The following GALNT13 variants were observed in gnomAD, a reference collection of about 807,000 sequenced individuals.
GALNT13 encodes UDP-GalNAc:polypeptide N-acetylgalactosaminyltransferase 13.
In GALNT13, 28 loss-of-function variants were observed where a neutral mutation model predicts 64.2. The ratio of observed to expected loss-of-function variants is 0.44; its 90% CI spans 0.32 to 0.60. The LOEUF (loss-of-function observed/expected upper bound fraction) is 0.60, where lower values mean the gene tolerates loss of function less well. Among genes scored for constraint, GALNT13 ranks in the 20% least tolerant of loss-of-function variants. GALNT13 has a pLI of 0.05. For synonymous variants in GALNT13, 214 were observed against 224.6 expected (o/e 0.95, Z 0.42); for missense variants, 577 against 669.8 (o/e 0.86, Z 1.53).
chr2:153,665,873 G>A, the GALNT13 span, among the ~76,000 whole-genome samples: 29 of 152,278 alleles, frequency 1.9e-4, no homozygotes, highest in African/African-American at 6.7e-4. Context: ...AGGACTCCAG[G>A]CAGTGTGGAG....
At chr2:154,028,485 A>G (rs1342496398) in intron 3 of GALNT13, among the ~76,000 whole-genome samples, 5 of 152,082 alleles carry the variant, frequency 3.3e-5, no homozygotes. Flanking sequence ...CTACTTAAAG[A>G]TGCACTTTTT....
chr2:153,774,564 T>C, the GALNT13 span, among the ~76,000 whole-genome samples: 10 of 151,980 alleles, frequency 6.6e-5, no homozygotes, highest in South Asian at 8.3e-4. Context: ...ACAAGAAAAC[T>C]TTTTTTTGGT....
intron 7 of GALNT13, among the ~76,000 whole-genome samples, chr2:154,255,149 A>G (rs1690301926): frequency 6.6e-6 from 1 of 152,158 alleles, no homozygotes; most frequent in African/African-American, 2.4e-5. Flanking sequence ...TAGGAGCTAG[A>G]AACAAAAATG....
the GALNT13 span, among the ~76,000 whole-genome samples, chr2:153,328,147 A>G: frequency 1.3e-5 from 2 of 152,144 alleles, no homozygotes; most frequent in Admixed American, 1.3e-4. Context: ...AGAACAGCAA[A>G]GATTGCTGCC....
chr2:154,076,223 G>A (rs1380951957), intron 3 of GALNT13, among the ~76,000 whole-genome samples: 2 of 151,726 alleles, frequency 1.3e-5, no homozygotes, highest in Non-Finnish European at 3.0e-5. Context: ...TAACATTTCT[G>A]TGTGTAAGTG....
At chr2:154,052,418 C>T (rs532492995) in intron 3 of GALNT13, among the ~76,000 whole-genome samples, 2 of 152,308 alleles carry the variant, frequency 1.3e-5, no homozygotes, top group South Asian at 4.1e-4. Context: ...TTCAAGTGTA[C>T]TCTCTTCCTA....
At chr2:153,316,976 C>T in the GALNT13 span, among the ~76,000 whole-genome samples, 1 of 152,094 alleles carries the variant, frequency 6.6e-6, no homozygotes, top group Non-Finnish European at 1.5e-5. Context: ...CTCTACTTAT[C>T]ACTATAAATA....
At chr2:154,029,903 A>T (rs1451159003) in intron 3 of GALNT13, among the ~76,000 whole-genome samples, 1 of 152,186 alleles carries the variant, frequency 6.6e-6, no homozygotes, top group African/African-American at 2.4e-5. Flanking sequence ...AAACATAGCA[A>T]CAAAAGTGAA....
the GALNT13 span, among the ~76,000 whole-genome samples, chr2:153,393,968 ACACACACACACACACACACACACC>A: frequency 1.5e-4 from 18 of 122,888 alleles, no homozygotes; most frequent in African/African-American, 6.6e-5. Context: ...ACACACACAC[ACACACACACACACACACACACACC>A]CCCTATTGGT....
the GALNT13 span, among the ~76,000 whole-genome samples, chr2:153,400,898 T>G: frequency 1.3e-5 from 2 of 152,290 alleles, no homozygotes; most frequent in South Asian, 4.1e-4. Context: ...ATTAATTTTT[T>G]GAAGGGTTTT....
chr2:153,675,514 G>T, the GALNT13 span, among the ~76,000 whole-genome samples: 1 of 152,086 alleles, frequency 6.6e-6, no homozygotes, highest in Non-Finnish European at 1.5e-5. Context: ...TGGACACAGG[G>T]AGGGGAACAT....
At chr2:154,440,913 T>C (rs1047260317) in intron 12 of GALNT13, among the ~76,000 whole-genome samples, 11 of 152,262 alleles carry the variant, frequency 7.2e-5, no homozygotes, top group African/African-American at 1.7e-4. Flanking sequence ...AATTGAAATA[T>C]AACATTTATT....
intron 3 of GALNT13, among the ~76,000 whole-genome samples, chr2:153,951,283 G>T (rs1692162105): frequency 1.3e-5 from 2 of 152,198 alleles, no homozygotes; most frequent in South Asian, 4.1e-4. Flanking sequence ...GCCACTGAAT[G>T]GACTTAAAAA....
chr2:154,267,035 AAACTT>A (rs979282224), intron 8 of GALNT13, among the ~76,000 whole-genome samples: 3 of 152,218 alleles, frequency 2.0e-5, no homozygotes, highest in African/African-American at 7.2e-5. Flanking sequence ...ATCTGGAAAT[AAACTT>A]AACACATACG....
chr2:153,163,409 G>A, the GALNT13 span, among the ~76,000 whole-genome samples: 1 of 152,096 alleles, frequency 6.6e-6, no homozygotes, highest in Non-Finnish European at 1.5e-5. Context: ...TATACTTTGG[G>A]CATAAAGAAA....
At chr2:153,620,118 T>C in the GALNT13 span, among the ~76,000 whole-genome samples, 162 of 152,158 alleles carry the variant, frequency 1.1e-3, no homozygotes, top group Non-Finnish European at 2.0e-3. Context: ...TTTAATATTC[T>C]GTAGGCATTT....
chr2:153,123,587 C>T, the GALNT13 span, among the ~76,000 whole-genome samples: 2 of 152,192 alleles, frequency 1.3e-5, no homozygotes. Context: ...TAAACCAAAT[C>T]TCTATCTGCA....
chr2:153,861,627 T>C, the GALNT13 span, among the ~76,000 whole-genome samples: 1 of 147,768 alleles, frequency 6.8e-6, no homozygotes, highest in African/African-American at 2.5e-5. Context: ...AGTGCAATCA[T>C]ACGATCCTGG....
At chr2:153,356,398 A>G in the GALNT13 span, 3 of 152,212 alleles carry the variant, frequency 2.0e-5, no homozygotes, top group South Asian at 2.1e-4. Context: ...TTTTATGTCA[A>G]TGTAGTAAGC....
Sources: gnomAD v4.1 joint callset for allele counts (sites outside exome capture counted in the v4.1 genomes callset) on GRCh38, gnomAD v4.1.1 for gene constraint, MANE v1.5 for transcripts, NCBI Gene and HGNC (gene_info 2026-07-23, HGNC 2026-07-21) for gene names.